The following PAG1 variants were observed in gnomAD, a reference collection of about 807,000 sequenced individuals.
PAG1 encodes the protein phosphoprotein associated with glycosphingolipid-enriched microdomains 1.
Under a neutral mutation model 31.7 loss-of-function variants are expected in PAG1, and 23 were observed. The ratio of observed to expected loss-of-function variants is 0.73; its 90% CI spans 0.52 to 1.03. PAG1 has a LOEUF of 1.03. Among genes scored for constraint, PAG1 ranks in the 50% least tolerant of loss-of-function variants. The pLI, the probability that PAG1 is intolerant of heterozygous loss-of-function variation, is 0.00. For missense variants in PAG1, 473 were observed against 540.7 expected (o/e 0.87, Z 1.24); for synonymous variants, 214 against 210.3 (o/e 1.02, Z -0.15).
intron 1 of PAG1, among the ~76,000 whole-genome samples, chr8:81,101,273 G>C (rs1809606555): frequency 6.6e-6 from 1 of 152,258 alleles, no homozygotes; most frequent in East Asian, 1.9e-4. Context: ...CGGACATACT[G>C]AGCATTCCAT....
At chr8:81,052,308 G>A (rs992448136) in intron 2 of PAG1, among the ~76,000 whole-genome samples, 1 of 152,132 alleles carries the variant, frequency 6.6e-6, no homozygotes, top group African/African-American at 2.4e-5. Flanking sequence ...CTCTAGCTTA[G>A]GTGGGAGGCC....
intron 2 of PAG1, among the ~76,000 whole-genome samples, chr8:81,057,425 A>G (rs974557739): frequency 2.0e-5 from 3 of 152,116 alleles, no homozygotes; most frequent in Non-Finnish European, 2.9e-5. Flanking sequence ...TCATAGGGAC[A>G]TGGATGAAGC....
chr8:81,018,540 T>C (rs1209167825), intron 3 of PAG1, among the ~76,000 whole-genome samples: 3 of 152,216 alleles, frequency 2.0e-5, no homozygotes, highest in Non-Finnish European at 4.4e-5. Context: ...TGGGAGGTGA[T>C]TGAATCATAG....
intron 3 of PAG1, among the ~76,000 whole-genome samples, chr8:81,001,122 C>T (rs971309825): frequency 4.6e-5 from 7 of 152,170 alleles, no homozygotes; most frequent in Non-Finnish European, 1.5e-5. Flanking sequence ...ATGCCAAAAC[C>T]CTCCCACCTC....
intron 3 of PAG1, among the ~76,000 whole-genome samples, chr8:81,024,469 G>A (rs575926284): frequency 6.6e-6 from 1 of 152,296 alleles, no homozygotes; most frequent in Non-Finnish European, 1.5e-5. Flanking sequence ...ATATACGCAA[G>A]TTGGGCTGGG....
Position 81,094,772 on chromosome 8 carries a change from T to C in PAG1, c.-234+16819A>G, listed in dbSNP as rs577817961. Among the ~76,000 whole-genome samples, 10 of 152,314 alleles carry C rather than the reference T, an allele frequency of 6.6e-5. No homozygotes were observed. In the East Asian group the frequency reaches 1.5e-3, roughly 24 times the overall value. On this transcript the variant is annotated intron_variant, in intron 1 of 8. Coordinates refer to ENST00000220597, the MANE Select transcript of PAG1 (RefSeq NM_018440.4). ...AGTCCTGTATCTGAGAGATTGACCA[T>C]GTTCACTCATGAAACAACCCTCAAA...
Position 80,973,383 on chromosome 8 carries a change from A to G in PAG1, c.*3161T>C, listed in dbSNP as rs1052343412. The G allele has an allele frequency of 6.6e-6, 1 of 152,200 alleles. No individual in the cohort carries two copies. Among genetic ancestry groups the G allele is most frequent in the Admixed American group, 6.5e-5 (1 of 15,290 alleles). The allele number at this position is 152,200 out of a possible 1,614,324, so 9.4% of individuals were successfully genotyped here. A position where few individuals can be genotyped will look rare whatever the true frequency, so the allele number is the denominator to read the frequency against. On this transcript the variant is annotated 3_prime_UTR_variant, in exon 9 of 9. Transcript: ENST00000220597. ...TAGACACACTAAAAACATTTGACAA[A>G]TTAAAAAAATTTTGCATAAAACAGG...
At chr8:81,060,866 C>T (rs1020931471) in intron 2 of PAG1, among the ~76,000 whole-genome samples, 2 of 152,196 alleles carry the variant, frequency 1.3e-5, no homozygotes, top group Admixed American at 1.3e-4. Context: ...ATCCAATAAG[C>T]ATTACCTTTG....
intron 8 of PAG1, among the ~76,000 whole-genome samples, chr8:80,977,490 A>G (rs1006200210): frequency 6.6e-6 from 1 of 152,206 alleles, no homozygotes; most frequent in Non-Finnish European, 1.5e-5. Context: ...AGACTACTCC[A>G]TGCTTCCTGC....
intron 1 of PAG1, among the ~76,000 whole-genome samples, chr8:81,100,833 A>T (rs1015731104): frequency 1.3e-5 from 2 of 152,224 alleles, no homozygotes; most frequent in Admixed American, 1.3e-4. Context: ...TTCTAATATA[A>T]GGCTGACAGT....
chr8:80,993,719 C>A (rs181936620), intron 3 of PAG1, among the ~76,000 whole-genome samples: 2 of 151,774 alleles, frequency 1.3e-5, no homozygotes, highest in African/African-American at 4.8e-5. Context: ...TCCTGAACCA[C>A]CCCCCTGCCC....
intron 2 of PAG1, among the ~76,000 whole-genome samples, chr8:81,060,613 AT>A (rs1233913617): frequency 6.6e-6 from 1 of 152,224 alleles, no homozygotes; most frequent in Non-Finnish European, 1.5e-5. Flanking sequence ...CTTTTGATAT[AT>A]CCCCCTGCTA....
At chr8:81,091,631 A>G (rs1482270512) in intron 1 of PAG1, among the ~76,000 whole-genome samples, 1 of 152,156 alleles carries the variant, frequency 6.6e-6, no homozygotes, top group Non-Finnish European at 1.5e-5. Context: ...ATCTTATGGG[A>G]CCACGGTTTT....
At chr8:81,041,894 T>C (rs1808560052) in intron 2 of PAG1, among the ~76,000 whole-genome samples, 1 of 152,184 alleles carries the variant, frequency 6.6e-6, no homozygotes, top group Non-Finnish European at 1.5e-5. Flanking sequence ...AGTAGTACCA[T>C]GAATGAGGAA....
intron 2 of PAG1, among the ~76,000 whole-genome samples, chr8:81,035,256 A>G (rs1808444164): frequency 6.6e-6 from 1 of 152,104 alleles, no homozygotes; most frequent in African/African-American, 2.4e-5. Flanking sequence ...AGACTATGAG[A>G]CCCAAAGAGG....
chr8:81,094,640 G>A (rs796747368), intron 1 of PAG1, among the ~76,000 whole-genome samples: 3 of 151,816 alleles, frequency 2.0e-5, no homozygotes, highest in Admixed American at 6.6e-5. Context: ...TTTTCCCCTA[G>A]AACTTAAAAT....
chr8:81,071,285 A>G (rs1809089460), intron 1 of PAG1, among the ~76,000 whole-genome samples: 1 of 152,166 alleles, frequency 6.6e-6, no homozygotes, highest in African/African-American at 2.4e-5. Context: ...GAGTACCAAG[A>G]GAAAAGTGCA....
chr8:81,097,858 T>C (rs11990960), intron 1 of PAG1, among the ~76,000 whole-genome samples: 6,850 of 152,222 alleles, frequency 0.045, 514 homozygotes, highest in African/African-American at 0.16. Context: ...TAGTACTGCC[T>C]TGATGATGCT....
At position 80,984,968 on chromosome 8, in the gene PAG1, G is replaced by A. The variant is rs762540023; in HGVS notation, c.684C>T (p.Ala228=). 4 of 1,614,096 alleles carry A rather than the reference G, an allele frequency of 2.5e-6. No homozygotes were observed. Among genetic ancestry groups the A allele is most frequent in the Non-Finnish European group, 3.4e-6 (4 of 1,180,000 alleles). Residue 228 remains alanine, a synonymous_variant, in exon 7 of 9, where the codon GCC becomes GCT. Transcript: ENST00000220597. ...GACATTTTTTGTTTCTGTCCACCGAGGCATATTCAGCAAACTCAGCTTTGC... is the reference window on the plus strand; with the variant it reads ...GACATTTTTTGTTTCTGTCCACCGAAGCATATTCAGCAAACTCAGCTTTGC... ...TEGKAEFAEY[A]SVDRNKKCRQ... is the part of the protein sequence containing the mutation.
Sources: gnomAD v4.1 joint callset for allele counts (sites outside exome capture counted in the v4.1 genomes callset) on GRCh38, gnomAD v4.1.1 for gene constraint, MANE v1.5 for transcripts, NCBI Gene and HGNC (gene_info 2026-07-23, HGNC 2026-07-21) for gene names.